The following UBQLN1 variants were observed in gnomAD, a reference collection of about 807,000 sequenced individuals.
UBQLN1 encodes the protein ubiquilin 1, also known as ubiquilin-1.
A neutral mutation model predicts 65.4 loss-of-function variants in UBQLN1; 13 were observed. That is an observed-to-expected ratio of 0.20 (90% confidence interval 0.13 to 0.32). The LOEUF is 0.32. Among genes scored for constraint, UBQLN1 ranks in the 10% least tolerant of loss-of-function variants. The pLI, the probability that UBQLN1 is intolerant of heterozygous loss-of-function variation, is 1.00. For synonymous variants in UBQLN1, 267 were observed against 247.8 expected (o/e 1.08, Z -0.73); for missense variants, 561 against 724.0 (o/e 0.77, Z 2.58).
chr9:83,674,790 C>T (rs112732203), intron 6 of UBQLN1, among the ~76,000 whole-genome samples: 30 of 152,156 alleles, frequency 2.0e-4, no homozygotes, highest in African/African-American at 7.0e-4. Context: ...CTGAAGTGAC[C>T]GGAAAATTAC....
In UBQLN1 at chr9:83,678,433, T is replaced by G. The variant is rs961878039; in HGVS notation, c.870+8A>C. The stretch of plus-strand genomic sequence containing the variant: ...TCCTTGGCCTGAACCTTGGAGCCAG[T>G]GGATCACCTGCTCTTGTGCAGCACT... On this transcript the variant is annotated splice_region_variant and intron_variant, in intron 5 of 10. Coordinates refer to ENST00000376395, the MANE Select transcript of UBQLN1 (RefSeq NM_013438.5). The G allele has an allele frequency of 1.2e-6, 2 of 1,606,934 alleles. No homozygotes were observed. Among genetic ancestry groups the G allele is most frequent in the Non-Finnish European group, 1.7e-6 (2 of 1,177,396 alleles).
intron 6 of UBQLN1, 59 bp downstream of exon 6, chr9:83,677,668 T>C (rs994929854): frequency 1.6e-6 from 2 of 1,235,652 alleles, no homozygotes; most frequent in African/African-American, 1.5e-5. Flanking sequence ...GTATAAACAA[T>C]GTTTTAATTA....
At chr9:83,683,309 G>T (rs1258491091) in intron 2 of UBQLN1, among the ~76,000 whole-genome samples, 1 of 151,892 alleles carries the variant, frequency 6.6e-6, no homozygotes, top group Non-Finnish European at 1.5e-5. Context: ...CTACTTGGGA[G>T]GCTGAGGCAG....
chr9:83,682,829 T>A, intron 3 of UBQLN1, 122 bp downstream of exon 3: 1 of 499,012 alleles, frequency 2.0e-6, no homozygotes, highest in Non-Finnish European at 3.6e-6. Context: ...TGTATGTTTT[T>A]TTTTTTTAAT....
At chr9:83,679,700 C>A in intron 4 of UBQLN1, 75 bp downstream of exon 4, 1 of 1,498,226 alleles carries the variant, frequency 6.7e-7, no homozygotes, top group South Asian at 1.2e-5. Context: ...ACAGGACAAT[C>A]TCATTAACCA....
rs35319221 is a variant in UBQLN1 at position 83,697,733 on chromosome 9, CTTTTTT to C, written c.180+9761_180+9766del. ...ACCACACGCGGCTATTTTTTGTACC[CTTTTTT>C]TTTTTTTTTTTTTTGAGACGAAGTC... On this transcript the variant is annotated intron_variant, in intron 1 of 10. Coordinates refer to ENST00000376395, the MANE Select transcript of UBQLN1 (RefSeq NM_013438.5). Among the ~76,000 whole-genome samples, 14 of 98,350 alleles carry C rather than the reference CTTTTTT, an allele frequency of 1.4e-4. No homozygotes were observed. In the Admixed American group the frequency reaches 1.5e-3, roughly 10 times the overall value. The allele number at this position is 98,350 out of a possible 152,430, so 64.5% of individuals were successfully genotyped here. A position where few individuals can be genotyped will look rare whatever the true frequency, so the allele number is the denominator to read the frequency against.
intron 8 of UBQLN1, 109 bp from the exon 9 acceptor site, chr9:83,665,254 T>A: frequency 1.5e-6 from 1 of 672,546 alleles, no homozygotes. Flanking sequence ...ACCTTACTCC[T>A]GGACACTGGT....
chr9:83,707,410 T>C, intron 1 of UBQLN1, 90 bp downstream of exon 1: 2 of 1,369,458 alleles, frequency 1.5e-6, no homozygotes, highest in Middle Eastern at 2.0e-4. Flanking sequence ...GGACGACCCC[T>C]CTCCCAGGCC....
chr9:83,704,631 C>G (rs1440922242), intron 1 of UBQLN1, among the ~76,000 whole-genome samples: 7 of 152,098 alleles, frequency 4.6e-5, no homozygotes, highest in Non-Finnish European at 1.5e-5. Flanking sequence ...TCGAGACCAG[C>G]CTGGCCAACA....
intron 6 of UBQLN1, among the ~76,000 whole-genome samples, chr9:83,673,525 A>G (rs938258536): frequency 7.3e-6 from 1 of 137,508 alleles, no homozygotes; most frequent in Non-Finnish European, 1.5e-5. Context: ...AGCCTGGGTG[A>G]CAGGTCGAGA....
At chr9:83,672,053 C>T (rs1266455574) in intron 6 of UBQLN1, among the ~76,000 whole-genome samples, 1 of 152,194 alleles carries the variant, frequency 6.6e-6, no homozygotes, top group Non-Finnish European at 1.5e-5. Context: ...AAACATAAGC[C>T]AGTCAACCTC....
In UBQLN1 at chr9:83,679,865, C is replaced by A; in HGVS notation, c.621G>T (p.Gln207His). ...GCATTTGTGGATTGGCCATAATTAA[C>A]TGTCTCATCAGGTCAGGATTTGAGA... ...SMLSNPDLMR[Q>H]LIMANPQMQQ... The change falls in exon 4 of 11, where the codon CAG (glutamine) becomes CAT (histidine). Residue 207 changes from glutamine (Q) to histidine (H), a missense_variant. By Grantham distance (24) the Gln-to-His change is conservative (BLOSUM62 0). Transcript: ENST00000376395. 1 of 1,614,158 alleles carries A rather than the reference C, an allele frequency of 6.2e-7. No homozygotes were observed. The highest frequency in any genetic ancestry group is 1.1e-5 in the South Asian group (1 of 91,078).
intron 4 of UBQLN1, among the ~76,000 whole-genome samples, chr9:83,679,213 C>A (rs754498025): frequency 7.2e-5 from 11 of 152,176 alleles, no homozygotes; most frequent in Non-Finnish European, 1.2e-4. Context: ...TCCATTTTAA[C>A]CCTATTAGGA....
chr9:83,707,255 G>A (rs753870790), intron 1 of UBQLN1, among the ~76,000 whole-genome samples: 1 of 152,146 alleles, frequency 6.6e-6, no homozygotes, highest in African/African-American at 2.4e-5. Flanking sequence ...GGATACCAGA[G>A]AAGGAAGGCT....
At chr9:83,666,600 T>G (rs1831647741) in intron 7 of UBQLN1, 167 bp from the exon 8 acceptor site, 2 of 553,730 alleles carry the variant, frequency 3.6e-6, no homozygotes, top group African/African-American at 3.7e-5. Context: ...AAGAGGGATC[T>G]CCAGAAGAAC....
intron 1 of UBQLN1, among the ~76,000 whole-genome samples, chr9:83,695,478 G>A (rs1056177869): frequency 7.2e-5 from 11 of 152,234 alleles, no homozygotes; most frequent in Non-Finnish European, 1.5e-4. Flanking sequence ...ACTTAAAGGC[G>A]TGAGGCGCCA....
chr9:83,671,460 T>C (rs771003133), intron 6 of UBQLN1, among the ~76,000 whole-genome samples: 9 of 152,130 alleles, frequency 5.9e-5, no homozygotes, highest in Non-Finnish European at 1.3e-4. Context: ...ATGGGCTGCA[T>C]GCAGAATGAA....
rs968133017 is a variant in UBQLN1 at position 83,683,177 on chromosome 9, C to T, written c.333-111G>A. 14 of 598,956 alleles carry T rather than the reference C, an allele frequency of 2.3e-5. No individual in the cohort carries two copies. In the African/African-American group the frequency reaches 2.6e-4, roughly 11 times the overall value. 37.1% of individuals were successfully genotyped at this position (598,956 alleles called of 1,614,324 possible). A position where few individuals can be genotyped will look rare whatever the true frequency, so the allele number is the denominator to read the frequency against. On this transcript the variant is annotated intron_variant, in intron 2 of 10. Coordinates refer to ENST00000376395, the MANE Select transcript of UBQLN1 (RefSeq NM_013438.5). ...CCTGTAATCCCAGCACTTTGGGAGG[C>T]CGAAGCTGGCTGATCACGAGGTCAA...
intron 3 of UBQLN1, among the ~76,000 whole-genome samples, chr9:83,682,613 C>T (rs181712160): frequency 2.0e-5 from 3 of 152,290 alleles, no homozygotes; most frequent in African/African-American, 7.2e-5. Context: ...AGTCTGATCC[C>T]TTCCTTTTAC....
Sources: allele counts gnomAD v4.1 joint callset (sites outside exome capture counted in the v4.1 genomes callset), GRCh38; gene constraint gnomAD v4.1.1; transcripts MANE v1.5; gene names NCBI Gene and HGNC (gene_info 2026-07-23, HGNC 2026-07-21).